ERCC3: variants seen among roughly 807,000 people sequenced by gnomAD.
The protein encoded by ERCC3 is ERCC excision repair 3, TFIIH core complex helicase subunit.
Under a neutral mutation model 94.2 loss-of-function variants are expected in ERCC3, and 66 were observed. The ratio of observed to expected loss-of-function variants is 0.70; its 90% confidence interval spans 0.57 to 0.86. The LOEUF (loss-of-function observed/expected upper bound fraction) is 0.86, where lower values mean the gene tolerates loss of function less well. Among genes scored for constraint, ERCC3 ranks in the 40% least tolerant of loss-of-function variants. The probability of loss-of-function intolerance (pLI) is 0.00; values close to 1 mark genes in which losing one functional copy is unlikely to be tolerated. For synonymous variants in ERCC3, 349 were observed against 369.1 expected (o/e 0.95, Z 0.63); for missense variants, 829 against 987.1 (o/e 0.84, Z 2.15).
chr2:127,267,542 T>C (rs903754756), intron 12 of ERCC3, among the ~76,000 whole-genome samples: 1 of 152,106 alleles, frequency 6.6e-6, no homozygotes, highest in Non-Finnish European at 1.5e-5. Flanking sequence ...GGCTGGGTCT[T>C]GTTTTTAATC....
At chr2:127,268,007 G>A (rs968475900) in intron 12 of ERCC3, among the ~76,000 whole-genome samples, 2 of 152,014 alleles carry the variant, frequency 1.3e-5, no homozygotes, top group Non-Finnish European at 2.9e-5. Context: ...AGGCTGGAGT[G>A]CAATGGTGCA....
chr2:127,261,794 C>G (rs1684197588), intron 12 of ERCC3: 1 of 204,324 alleles, frequency 4.9e-6, no homozygotes, highest in African/African-American at 2.4e-5. Context: ...ACGCCCCTCT[C>G]CGAGGATGGC....
intron 12 of ERCC3, among the ~76,000 whole-genome samples, chr2:127,266,415 A>T (rs1365945258): frequency 7.0e-6 from 1 of 143,500 alleles, no homozygotes. Context: ...GGCTCACTGC[A>T]AGCTCCGCCT....
At chr2:127,288,619 C>A in intron 7 of ERCC3, 41 bp downstream of exon 7, 1 of 1,555,618 alleles carries the variant, frequency 6.4e-7, no homozygotes, top group Non-Finnish European at 8.9e-7. Flanking sequence ...CAGATCCAGA[C>A]ACAACAGCCT....
intron 10 of ERCC3, among the ~76,000 whole-genome samples, chr2:127,278,252 G>A (rs201035378): frequency 1.4e-5 from 2 of 144,192 alleles, no homozygotes; most frequent in Non-Finnish European, 3.0e-5. Context: ...AAAAAAAAAA[G>A]AAAAAAGGAA....
At chr2:127,268,046 T>C (rs924061595) in intron 12 of ERCC3, among the ~76,000 whole-genome samples, 1 of 152,012 alleles carries the variant, frequency 6.6e-6, no homozygotes, top group East Asian at 1.9e-4. Context: ...CTCTGCCTCC[T>C]GGGTTCCAGC....
Position 127,284,662 on chromosome 2 carries a change from A to T in ERCC3, c.1342+2041T>A, listed in dbSNP as rs2104767655. ...CATAGTAACCTCTATTAGACTCCTT[A>T]ATTTACCCTAATCTGTTCATCTTTA... On this transcript the variant is annotated intron_variant, in intron 8 of 14. Transcript: ENST00000285398. This position sits in a 1 kb window ranked among gnomAD's most constrained non-coding sequence, Gnocchi z 4.1. Among the ~76,000 whole-genome samples the T allele has an allele frequency of 6.6e-6, 1 of 151,862 alleles. No individual in the cohort carries two copies. The highest frequency in any genetic ancestry group is 3.4e-3 in the Middle Eastern group (1 of 294).
intron 7 of ERCC3, 84 bp downstream of exon 7, chr2:127,288,576 G>T: frequency 1.7e-6 from 2 of 1,175,670 alleles, no homozygotes; most frequent in Non-Finnish European, 2.6e-6. Context: ...GTGATTTAGG[G>T]AAATGTGCAG....
chr2:127,259,368 T>C lies in ERCC3; in HGVS notation c.2145A>G (p.Lys715=), dbSNP rs199906409. The C allele has an allele frequency of 2.5e-6, 4 of 1,614,184 alleles. No homozygotes were observed. The highest frequency in any genetic ancestry group is 2.7e-5 in the African/African-American group (2 of 75,040). The change falls in exon 14 of 15, where the codon AAA becomes AAG. Residue 715 remains lysine (K), a synonymous_variant. Transcript: ENST00000285398. The surrounding 1 kb of genome is among the most constrained non-coding windows in gnomAD (Gnocchi z 4.9). ...TKEEQQQLLQ[K]VLAATDLDAE... is the part of the protein sequence containing the mutation. ...CATCCAGGTCAGTGGCTGCCAGGAC[T>C]TTCTGTAAGAGCTGCTGTTGCTCTT...
In ERCC3 at chr2:127,280,557, C is replaced by T. The variant is rs1369244363; in HGVS notation, c.1417G>A (p.Glu473Lys). ...TTTAAATCCACAATTTTGTCATCTT[C>T]GCGGACGAGGGTCGCAGTCAAACCC... ...KLGLTATLVREDDKIVDLNFL... is the reference protein window; with the variant it reads ...KLGLTATLVRKDDKIVDLNFL... Residue 473 changes from glutamate to lysine, a missense_variant, in exon 9 of 15, where the codon GAA becomes AAA. Transcript: ENST00000285398. The surrounding 1 kb of genome is among the most constrained non-coding windows in gnomAD (Gnocchi z 6.3). 9 of 1,614,060 alleles carry T rather than the reference C, an allele frequency of 5.6e-6. No homozygotes were observed. Among genetic ancestry groups the T allele is most frequent in the Admixed American group, 1.7e-5 (1 of 60,004 alleles).
intron 8 of ERCC3, among the ~76,000 whole-genome samples, chr2:127,282,308 T>C (rs1369787764): frequency 1.3e-5 from 2 of 152,228 alleles, no homozygotes; most frequent in African/African-American, 4.8e-5. Flanking sequence ...TCACTCAACA[T>C]TATGTCATGG....
chr2:127,279,026 T>A lies in ERCC3; in HGVS notation c.1730+147A>T, dbSNP rs900332788. ...CCACCTACTTCAGGTCTTCCCTGGT[T>A]TCTGAGACCAGGGCCACAGAACAAG... is the stretch of plus-strand genomic sequence containing the variant. On this transcript the variant is annotated intron_variant, in intron 10 of 14. Coordinates refer to ENST00000285398, the MANE Select transcript of ERCC3 (RefSeq NM_000122.2). The surrounding 1 kb of genome is among the most constrained non-coding windows in gnomAD (Gnocchi z 4.7). The A allele has an allele frequency of 2.2e-5, 15 of 683,526 alleles. No individual in the cohort carries two copies. The highest frequency in any genetic ancestry group is 5.2e-6 in the Non-Finnish European group (2 of 383,526). The allele number at this position is 683,526 out of a possible 1,614,324, so 42.3% of individuals were successfully genotyped here. A position where few individuals can be genotyped will look rare whatever the true frequency, so the allele number is the denominator to read the frequency against.
At position 127,271,697 on chromosome 2, in the gene ERCC3, C is replaced by T. The variant is rs1684557036; in HGVS notation, c.1828-244G>A. 6.6e-6 allele frequency among the ~76,000 whole-genome samples: 1 copy of T among 152,164 alleles called. No individual in the cohort carries two copies. The highest frequency in any genetic ancestry group is 2.4e-5 in the African/African-American group (1 of 41,424). ...ATCCTGAAGAATTAATACCAGGCAT[C>T]AGTGACATTCAGTGCTGGGTGCCAG... On this transcript the variant is annotated intron_variant, in intron 11 of 14. Transcript: ENST00000285398. The surrounding 1 kb of genome is among the most constrained non-coding windows in gnomAD (Gnocchi z 5.0).
At chr2:127,286,355 C>T (rs150663354) in intron 8 of ERCC3, among the ~76,000 whole-genome samples, 1 of 152,132 alleles carries the variant, frequency 6.6e-6, no homozygotes, top group South Asian at 2.1e-4. Flanking sequence ...TCAAGACCAG[C>T]CTGGCCAAGA....
At position 127,265,698 on chromosome 2, in the gene ERCC3, T is replaced by C. The variant is rs945229225; in HGVS notation, c.1946-4352A>G. On this transcript the variant is annotated intron_variant, in intron 12 of 14. Coordinates refer to ENST00000285398, the MANE Select transcript of ERCC3 (RefSeq NM_000122.2). ...TCCCAAAGTTCCAGGATTACAGGCA[T>C]GAGCCACTGCGACTGGCCTTATCTA... 7.2e-4 allele frequency among the ~76,000 whole-genome samples: 110 copies of C among 152,262 alleles called. 1 individual carries two copies. Among genetic ancestry groups the C allele is most frequent in the African/African-American group, 2.5e-3 (103 of 41,476 alleles).
At chr2:127,290,550 TC>T in intron 3 of ERCC3, 2 of 502,114 alleles carry the variant, frequency 4.0e-6, no homozygotes, top group South Asian at 4.0e-5. Context: ...GCCTTTCCTC[TC>T]TATTCCCACA....
intron 2 of ERCC3, among the ~76,000 whole-genome samples, 184 bp downstream of exon 2, chr2:127,293,326 GGCC>G (rs1685342705): frequency 6.6e-6 from 1 of 152,160 alleles, no homozygotes; most frequent in African/African-American, 2.4e-5. Flanking sequence ...GCCCAGGTCC[GGCC>G]GCCACACGTG....
chr2:127,258,149 TCTCAAACTCCTGGA>T lies in ERCC3; in HGVS notation c.2218-436_2218-423del, dbSNP rs1189074582. On this transcript the variant is annotated intron_variant, in intron 14 of 14. Coordinates refer to ENST00000285398, the MANE Select transcript of ERCC3 (RefSeq NM_000122.2). This position sits in a 1 kb window ranked among gnomAD's most constrained non-coding sequence, Gnocchi z 4.1. ...GGTCTCGATATGTTGACCATGCTGG[TCTCAAACTCCTGGA>T]CTCAACTGATCCTCCCGCCTAGGCC... is the stretch of plus-strand genomic sequence containing the variant. 1.3e-5 allele frequency among the ~76,000 whole-genome samples: 2 copies of T among 152,120 alleles called. No individual in the cohort carries two copies. The highest frequency in any genetic ancestry group is 1.5e-5 in the Non-Finnish European group (1 of 68,018).
chr2:127,272,506 CACACAGGATCTCCA>C (rs1456620310), intron 11 of ERCC3, among the ~76,000 whole-genome samples: 1 of 152,188 alleles, frequency 6.6e-6, no homozygotes, highest in African/African-American at 2.4e-5. Context: ...GCTGCCGCGA[CACACAGGATCTCCA>C]ACTTGTAAAG....
Sources: allele counts gnomAD v4.1 joint callset (sites outside exome capture counted in the v4.1 genomes callset), GRCh38; gene constraint gnomAD v4.1.1; non-coding constraint Gnocchi (gnomAD v3.1); transcripts MANE v1.5; gene names NCBI Gene and HGNC (gene_info 2026-07-23, HGNC 2026-07-21).